KLHL2: variants seen among roughly 807,000 people sequenced by gnomAD.
KLHL2 encodes the protein kelch-like protein 2.
KLHL2 carries 15 observed loss-of-function variants against 75.8 expected under a neutral mutation model. That is an observed-to-expected ratio of 0.20 (90% CI 0.13 to 0.30). The LOEUF is 0.30. Among genes scored for constraint, KLHL2 ranks in the 10% least tolerant of loss-of-function variants. The probability of loss-of-function intolerance (pLI) is 1.00; values close to 1 mark genes in which losing one functional copy is unlikely to be tolerated. For missense variants in KLHL2, 381 were observed against 741.0 expected (o/e 0.51, Z 5.64); for synonymous variants, 214 against 251.9 (o/e 0.85, Z 1.42).
intron 2 of KLHL2, among the ~76,000 whole-genome samples, chr4:165,226,132 A>G (rs1191793430): frequency 2.0e-5 from 3 of 152,250 alleles, no homozygotes; most frequent in Admixed American, 2.0e-4. Flanking sequence ...AAATAGGCAT[A>G]AAGATGCACT....
chr4:165,309,485 T>A (rs1157102727), intron 9 of KLHL2, among the ~76,000 whole-genome samples: 2 of 152,202 alleles, frequency 1.3e-5, no homozygotes, highest in Non-Finnish European at 2.9e-5. Context: ...AGCCCAAGGA[T>A]CAGCAGACTT....
intron 14 of KLHL2, 120 bp downstream of exon 14, chr4:165,318,089 T>G (rs1746713595): frequency 2.3e-6 from 2 of 865,420 alleles, no homozygotes; most frequent in Non-Finnish European, 3.6e-6. Flanking sequence ...GTTTATATCT[T>G]ATTCTTAAGA....
chr4:165,291,939 C>T (rs1744546870), intron 5 of KLHL2, among the ~76,000 whole-genome samples: 2 of 152,198 alleles, frequency 1.3e-5, no homozygotes, highest in South Asian at 2.1e-4. Context: ...AGGCAGTCCT[C>T]CTGCCTCAGC....
At chr4:165,255,114 TA>T (rs1405992339) in intron 4 of KLHL2, among the ~76,000 whole-genome samples, 1 of 152,248 alleles carries the variant, frequency 6.6e-6, no homozygotes, top group Admixed American at 6.5e-5. Flanking sequence ...AACCTTGGGT[TA>T]AAAGTAGTAG....
intron 5 of KLHL2, among the ~76,000 whole-genome samples, chr4:165,283,666 T>C (rs1743862246): frequency 6.6e-6 from 1 of 152,158 alleles, no homozygotes; most frequent in African/African-American, 2.4e-5. Context: ...CTATCAGTGA[T>C]ACCATTCTGG....
intron 4 of KLHL2, among the ~76,000 whole-genome samples, chr4:165,254,764 A>G (rs994462998): frequency 6.6e-6 from 1 of 152,194 alleles, no homozygotes; most frequent in African/African-American, 2.4e-5. Context: ...TACATTTATC[A>G]TTTTTGTATG....
intron 5 of KLHL2, among the ~76,000 whole-genome samples, chr4:165,264,396 C>T (rs1741976271): frequency 6.6e-6 from 1 of 151,416 alleles, no homozygotes; most frequent in Non-Finnish European, 1.5e-5. Flanking sequence ...TCTGAGTCTC[C>T]CATGTCCATT....
intron 5 of KLHL2, chr4:165,279,452 T>G (rs1224970798): frequency 6.3e-7 from 1 of 1,599,944 alleles, no homozygotes; most frequent in African/African-American, 1.3e-5. Flanking sequence ...TATACACTCA[T>G]AGACAGAATG....
At position 165,237,036 on chromosome 4, in the gene KLHL2, C is replaced by T. The variant is rs1030725404; in HGVS notation, c.260-1742C>T. On this transcript the variant is annotated intron_variant, in intron 3 of 14. Coordinates refer to ENST00000226725, the MANE Select transcript of KLHL2 (RefSeq NM_007246.4). ...CTGTTTGGCTTTGTGCTCATGTGGC[C>T]CCAGGCCCTGAAGGGCTTTGCATAT... 1.1e-3 allele frequency among the ~76,000 whole-genome samples: 157 copies of T among 147,736 alleles called. 1 individual carries two copies. Among genetic ancestry groups the T allele is most frequent in the African/African-American group, 3.8e-3 (151 of 39,558 alleles).
intron 1 of KLHL2, among the ~76,000 whole-genome samples, chr4:165,215,754 C>T (rs1418016679): frequency 6.6e-6 from 1 of 151,832 alleles, no homozygotes; most frequent in African/African-American, 2.4e-5. Flanking sequence ...AACATATTTT[C>T]TAAAGCATTT....
intron 4 of KLHL2, among the ~76,000 whole-genome samples, chr4:165,251,899 G>A (rs1484462679): frequency 3.3e-4 from 50 of 152,268 alleles, no homozygotes; most frequent in African/African-American, 1.2e-3. Context: ...GTGAGCCACC[G>A]CGCCCGGCCC....
At chr4:165,305,433 T>C (rs544581911) in intron 8 of KLHL2, among the ~76,000 whole-genome samples, 175 bp from the exon 9 acceptor site, 1 of 152,360 alleles carries the variant, frequency 6.6e-6, no homozygotes, top group Non-Finnish European at 1.5e-5. Context: ...TTTTAACGTG[T>C]GTCCCCTTGG....
chr4:165,207,972 C>A lies in KLHL2; in HGVS notation c.26+70C>A. 1 of 1,197,192 alleles carries A rather than the reference C, an allele frequency of 8.4e-7. No homozygotes were observed. Among genetic ancestry groups the A allele is most frequent in the Non-Finnish European group, 1.1e-6 (1 of 949,428 alleles). 74.2% of individuals were successfully genotyped at this position (1,197,192 alleles called of 1,614,324 possible). On this transcript the variant is annotated intron_variant, in intron 1 of 14. Transcript: ENST00000226725. The surrounding 1 kb of genome is among the most constrained non-coding windows in gnomAD (Gnocchi z 4.2). ...CCGCTGCGGCGCGTGTCGCCGGCCG[C>A]GGGCGCAGCTCTGGGGACAGCCGCC...
chr4:165,244,653 AC>A (rs370495962), intron 4 of KLHL2, among the ~76,000 whole-genome samples: 2 of 150,952 alleles, frequency 1.3e-5, no homozygotes, highest in African/African-American at 2.5e-5. Context: ...AAACAAACAA[AC>A]AAAAAAGGAA....
At chr4:165,253,318 G>A (rs1037459822) in intron 4 of KLHL2, among the ~76,000 whole-genome samples, 11 of 152,156 alleles carry the variant, frequency 7.2e-5, no homozygotes, top group Non-Finnish European at 1.5e-4. Flanking sequence ...ACAGATGTGA[G>A]GCACTATGCT....
chr4:165,225,519 C>G (rs1020542780), intron 2 of KLHL2, among the ~76,000 whole-genome samples: 1 of 152,064 alleles, frequency 6.6e-6, no homozygotes, highest in African/African-American at 2.4e-5. Flanking sequence ...CATTAGATTT[C>G]AAGTAATAGG....
Position 165,277,822 on chromosome 4 carries a change from C to G in KLHL2, c.544+14463C>G, listed in dbSNP as rs1743261810. 4.5e-5 allele frequency: 30 copies of G among 663,536 alleles called. No individual in the cohort carries two copies. The South Asian group carries it at 4.9e-4, about 11-fold the overall frequency. The allele number at this position is 663,536 out of a possible 1,614,324, so 41.1% of individuals were successfully genotyped here. On this transcript the variant is annotated intron_variant, in intron 5 of 14. Transcript: ENST00000226725. ...TATAGCATTCTTTTTGCTGCATTTT[C>G]TTTATTTTAAGCCACAGGTCTACTT...
At chr4:165,310,153 A>G (rs147778951) in intron 9 of KLHL2, among the ~76,000 whole-genome samples, 1,952 of 152,104 alleles carry the variant, frequency 0.013, 19 homozygotes, top group South Asian at 0.03. Context: ...GTGAAACCCC[A>G]TCTCTACTAA....
chr4:165,307,243 G>C (rs554575187), intron 9 of KLHL2, among the ~76,000 whole-genome samples: 1 of 152,338 alleles, frequency 6.6e-6, no homozygotes, highest in Non-Finnish European at 1.5e-5. Flanking sequence ...GGGAGGCGGA[G>C]GTTGCAGTGA....
Sources: allele counts gnomAD v4.1 joint callset (sites outside exome capture counted in the v4.1 genomes callset), GRCh38; gene constraint gnomAD v4.1.1; non-coding constraint Gnocchi (gnomAD v3.1); transcripts MANE v1.5; gene names NCBI Gene and HGNC (gene_info 2026-07-23, HGNC 2026-07-21).